The following DCC variants were observed in gnomAD, a reference collection of about 807,000 sequenced individuals.
DCC encodes the protein netrin receptor DCC.
Under a neutral mutation model 172.5 loss-of-function variants are expected in DCC, and 58 were observed. That is an observed-to-expected ratio of 0.34 (90% confidence interval 0.27 to 0.42). The LOEUF (loss-of-function observed/expected upper bound fraction) is 0.42, where lower values mean the gene tolerates loss of function less well. Ranked by LOEUF, DCC falls within the 10% of genes least tolerant of loss-of-function variation. DCC has a pLI of 1.00. For missense variants in DCC, 1,740 were observed against 1,791.0 expected (o/e 0.97, Z 0.51); for synonymous variants, 709 against 644.5 (o/e 1.10, Z -1.52).
chr18:52,827,662 C>A (rs1462139110), intron 2 of DCC, among the ~76,000 whole-genome samples: 3 of 152,240 alleles, frequency 2.0e-5, no homozygotes, highest in African/African-American at 7.2e-5. Flanking sequence ...TCCTAATCCA[C>A]ACAATAGCTC....
At chr18:53,398,055 A>G (rs990651015) in intron 18 of DCC, among the ~76,000 whole-genome samples, 4 of 152,160 alleles carry the variant, frequency 2.6e-5, no homozygotes, top group Non-Finnish European at 5.9e-5. Context: ...GTAAATGTAG[A>G]GTTTATAACT....
intron 2 of DCC, among the ~76,000 whole-genome samples, chr18:52,801,901 A>C (rs1317302613): frequency 1.3e-5 from 2 of 152,102 alleles, no homozygotes; most frequent in Non-Finnish European, 2.9e-5. Context: ...TTGTCTGTTC[A>C]AAAAATCAGT....
intron 14 of DCC, among the ~76,000 whole-genome samples, chr18:53,323,049 C>A (rs2144829048): frequency 6.6e-6 from 1 of 152,160 alleles, no homozygotes; most frequent in African/African-American, 2.4e-5. Flanking sequence ...CCTATTATAT[C>A]TAACAATGAA....
At chr18:52,573,098 C>A (rs185043343) in intron 1 of DCC, among the ~76,000 whole-genome samples, 1 of 151,958 alleles carries the variant, frequency 6.6e-6, no homozygotes, top group Non-Finnish European at 1.5e-5. Context: ...TTCACATATA[C>A]CTTTAGAATG....
Position 53,114,518 on chromosome 18 carries a change from A to G in DCC, c.1262-42838A>G, listed in dbSNP as rs543209059. Among the ~76,000 whole-genome samples the G allele has an allele frequency of 3.3e-5, 5 of 151,724 alleles. No individual in the cohort carries two copies. The South Asian group carries it at 1.0e-3, about 31-fold the overall frequency. The stretch of plus-strand genomic sequence containing the variant: ...AGCATATTTTAAAATCTGGTGGGCC[A>G]TTGAGAAAACAGTTGCGATGTTATT... On this transcript the variant is annotated intron_variant, in intron 7 of 28. Transcript: ENST00000442544.
chr18:53,269,952 T>C (rs1309308579), intron 12 of DCC, among the ~76,000 whole-genome samples: 1 of 152,120 alleles, frequency 6.6e-6, no homozygotes, highest in African/African-American at 2.4e-5. Flanking sequence ...AGAAAGAGCC[T>C]TCTAGAAGAG....
chr18:53,204,493 GA>G (rs1365217967), intron 9 of DCC, among the ~76,000 whole-genome samples: 1 of 151,508 alleles, frequency 6.6e-6, no homozygotes, highest in Non-Finnish European at 1.5e-5. Context: ...GTTGCAGTGA[GA>G]TGTGATCATG....
At chr18:52,378,418 TCTC>T (rs1183572879) in intron 1 of DCC, among the ~76,000 whole-genome samples, 1 of 152,106 alleles carries the variant, frequency 6.6e-6, no homozygotes, top group African/African-American at 2.4e-5. Flanking sequence ...TTTAGCACCT[TCTC>T]TACATGCAGG....
intron 26 of DCC, among the ~76,000 whole-genome samples, chr18:53,494,366 T>A (rs2045994231): frequency 6.6e-6 from 1 of 152,212 alleles, no homozygotes; most frequent in African/African-American, 2.4e-5. Context: ...GTAATGGATA[T>A]CCTTGTTAAT....
rs5824990 is a variant in DCC at position 53,148,865 on chromosome 18, C to CTTTTTTTTTTTTTTTTTTTT, written c.1262-8474_1262-8473insTTTTTTTTTTTTTTTTTTTT. Among the ~76,000 whole-genome samples the CTTTTTTTTTTTTTTTTTTTT allele has an allele frequency of 1.9e-3, 210 of 109,740 alleles. 20 individuals carry two copies. The highest frequency in any genetic ancestry group is 7.4e-3 in the African/African-American group (197 of 26,680). The allele number at this position is 109,740 out of a possible 152,430, so 72.0% of individuals were successfully genotyped here. On this transcript the variant is annotated intron_variant, in intron 7 of 28. Coordinates refer to ENST00000442544, the MANE Select transcript of DCC (RefSeq NM_005215.4). ...AAACTAGCTCAGAACTTCCCAATGC[C>CTTTTTTTTTTTTTTTTTTTT]TTTTTTTTTTTTTTTTTGGACAAAG...
intron 15 of DCC, among the ~76,000 whole-genome samples, chr18:53,380,468 C>A (rs1422928095): frequency 6.6e-6 from 1 of 152,066 alleles, no homozygotes; most frequent in Non-Finnish European, 1.5e-5. Flanking sequence ...GTTTTTTGTT[C>A]TGGAAGATCA....
At chr18:52,873,416 C>T (rs1365041194) in intron 2 of DCC, among the ~76,000 whole-genome samples, 2 of 152,194 alleles carry the variant, frequency 1.3e-5, no homozygotes, top group African/African-American at 4.8e-5. Context: ...TATACACGAG[C>T]TTGCCTATGA....
chr18:52,987,746 G>T (rs2041318496), intron 5 of DCC, among the ~76,000 whole-genome samples: 1 of 152,220 alleles, frequency 6.6e-6, no homozygotes, highest in Non-Finnish European at 1.5e-5. Context: ...TAGAGCAATG[G>T]TCATTGACTT....
At chr18:52,535,646 A>G (rs967137121) in intron 1 of DCC, among the ~76,000 whole-genome samples, 1 of 152,228 alleles carries the variant, frequency 6.6e-6, no homozygotes, top group East Asian at 1.9e-4. Flanking sequence ...ATTGGAAAGC[A>G]AATGATTTTG....
At chr18:53,432,760 T>G (rs1911702949) in intron 21 of DCC, among the ~76,000 whole-genome samples, 1 of 151,410 alleles carries the variant, frequency 6.6e-6, no homozygotes, top group South Asian at 2.1e-4. Flanking sequence ...ATTATTATTA[T>G]TATGTATTGG....
intron 13 of DCC, among the ~76,000 whole-genome samples, chr18:53,315,294 C>A (rs956314256): frequency 1.3e-5 from 2 of 152,256 alleles, no homozygotes; most frequent in Non-Finnish European, 2.9e-5. Context: ...GACATGAACC[C>A]ATCCTTTTTA....
chr18:53,205,000 C>A (rs1217729532), intron 9 of DCC, among the ~76,000 whole-genome samples: 1 of 152,006 alleles, frequency 6.6e-6, no homozygotes, highest in Admixed American at 6.6e-5. Flanking sequence ...ATAAAATAGG[C>A]AATTTTGGTT....
At chr18:52,822,149 C>T (rs1341509731) in intron 2 of DCC, among the ~76,000 whole-genome samples, 1 of 152,124 alleles carries the variant, frequency 6.6e-6, no homozygotes, top group African/African-American at 2.4e-5. Context: ...TCACAGAAGC[C>T]ATTAATCTGG....
chr18:52,684,702 G>T (rs1173126702), intron 1 of DCC, among the ~76,000 whole-genome samples: 1 of 151,904 alleles, frequency 6.6e-6, no homozygotes. Context: ...AGCAAGATAA[G>T]CTGGACTGGC....
Sources: gnomAD v4.1 joint callset for allele counts (sites outside exome capture counted in the v4.1 genomes callset) on GRCh38, gnomAD v4.1.1 for gene constraint, MANE v1.5 for transcripts, NCBI Gene and HGNC (gene_info 2026-07-23, HGNC 2026-07-21) for gene names.